The following DUSP22 variants were observed in gnomAD, a reference collection of about 807,000 sequenced individuals.
The protein encoded by DUSP22 is dual specificity protein phosphatase 22.
In DUSP22, 24 loss-of-function variants were observed where a neutral mutation model predicts 24.5. The observed-to-expected ratio is 0.98, with a 90% CI of 0.71 to 1.38. The LOEUF (loss-of-function observed/expected upper bound fraction) is 1.38. DUSP22 is among the 40% of genes most tolerant of loss of function. The pLI is 0.00. For synonymous variants in DUSP22, 160 were observed against 106.4 expected (o/e 1.50, Z -3.10); for missense variants, 330 against 269.2 (o/e 1.23, Z -1.58).
chr6:324,974 G>A (rs553609063), intron 3 of DUSP22, among the ~76,000 whole-genome samples: 39 of 152,414 alleles, frequency 2.6e-4, no homozygotes, highest in African/African-American at 8.2e-4. Context: ...GCAGGCTGCC[G>A]CATCCTGCCG....
chr6:348,140 G>T lies in DUSP22; in HGVS notation c.301G>T (p.Ala101Ser), dbSNP rs768192099. The change falls in exon 6 of 7, where the codon GCA becomes TCA. Residue 101 changes from alanine (A) to serine (S), a missense_variant. Transcript: ENST00000419235. ...CTCCAGGAGCGTGACACTGGTGATC[G>T]CATACATCATGACCGTCACTGACTT... is the stretch of plus-strand genomic sequence containing the variant. Reference protein sequence around the residue: ...GVSRSVTLVIAYIMTVTDFGW... With the variant: ...GVSRSVTLVISYIMTVTDFGW... 6.2e-7 allele frequency: 1 copy of T among 1,614,302 alleles called. No homozygotes were observed. Among genetic ancestry groups the T allele is most frequent in the South Asian group, 1.1e-5 (1 of 91,092 alleles).
In DUSP22 at chr6:325,222, G is replaced by A. The variant is rs185823975; in HGVS notation, c.139-9892G>A. 1,135 of 251,496 alleles carry A rather than the reference G, an allele frequency of 4.5e-3. 1 individual carries two copies. The highest frequency in any genetic ancestry group is 5.8e-3 in the Non-Finnish European group (767 of 131,550). 15.6% of individuals were successfully genotyped at this position (251,496 alleles called of 1,614,324 possible). ...ATCTGCCCTGGGCTTCCGCGTCCTGGTGTGTGCAGTGCTATATCTGCTGGT... is the reference window on the plus strand; with the variant it reads ...ATCTGCCCTGGGCTTCCGCGTCCTGATGTGTGCAGTGCTATATCTGCTGGT... On this transcript the variant is annotated intron_variant, in intron 3 of 6. Coordinates refer to ENST00000419235, the MANE Select transcript of DUSP22 (RefSeq NM_001286555.3).
intron 3 of DUSP22, among the ~76,000 whole-genome samples, chr6:317,968 T>G (rs59958279): frequency 2.7e-3 from 405 of 152,282 alleles, no homozygotes; most frequent in African/African-American, 9.0e-3. Flanking sequence ...AAGAGTGATT[T>G]CTTTATCATG....
At chr6:301,902 TATGCCCTC>T in intron 1 of DUSP22, among the ~76,000 whole-genome samples, 1 of 152,426 alleles carries the variant, frequency 6.6e-6, no homozygotes. Context: ...GGTCTACTCT[TATGCCCTC>T]ATTTAATTTT....
intron 4 of DUSP22, among the ~76,000 whole-genome samples, chr6:338,338 C>T (rs575629910): frequency 3.2e-4 from 49 of 152,380 alleles, no homozygotes; most frequent in African/African-American, 1.2e-3. Context: ...TTACCTGTTA[C>T]AAGTGTTCTA....
chr6:349,030 G>A lies in DUSP22; in HGVS notation c.*79G>A, dbSNP rs1469782630. ...GGGCAGGGGTGCGGTGGTGGTGGCC[G>A]ATGAGGACAGGAAAGGGAGATAGCC... is the stretch of plus-strand genomic sequence containing the variant. On this transcript the variant is annotated 3_prime_UTR_variant, in exon 7 of 7. Coordinates refer to ENST00000419235, the MANE Select transcript of DUSP22 (RefSeq NM_001286555.3). The A allele has an allele frequency of 1.3e-5, 20 of 1,527,322 alleles. No homozygotes were observed. Among genetic ancestry groups the A allele is most frequent in the African/African-American group, 9.6e-5 (7 of 72,722 alleles). The allele number at this position is 1,527,322 out of a possible 1,614,324, so 94.6% of individuals were successfully genotyped here. A position where few individuals can be genotyped will look rare whatever the true frequency, so the allele number is the denominator to read the frequency against.
intron 4 of DUSP22, among the ~76,000 whole-genome samples, chr6:338,555 C>G (rs1324995165): frequency 1.3e-5 from 2 of 152,422 alleles, no homozygotes; most frequent in East Asian, 3.8e-4. Flanking sequence ...TCGTATTTCT[C>G]TAGTTAACAA....
In DUSP22 at chr6:348,216, A is replaced by T. The variant is rs375745010; in HGVS notation, c.377A>T (p.Asn126Ile). 2 of 1,614,280 alleles carry T rather than the reference A, an allele frequency of 1.2e-6. No homozygotes were observed. The highest frequency in any genetic ancestry group is 1.7e-5 in the Admixed American group (1 of 60,028). ...HTVRAGRSCANPNVGFQRQLQ... is the reference protein window; with the variant it reads ...HTVRAGRSCAIPNVGFQRQLQ... ...GTGCGTGCTGGGAGATCCTGTGCCA[A>T]CCCCAACGTGGGCTTCCAGAGACAG... The change falls in exon 6 of 7, where the codon AAC becomes ATC. Residue 126 changes from asparagine (N) to isoleucine (I), a missense_variant. Coordinates refer to ENST00000419235, the MANE Select transcript of DUSP22 (RefSeq NM_001286555.3).
chr6:317,964 G>A (rs1231402909), intron 3 of DUSP22, among the ~76,000 whole-genome samples: 1 of 152,300 alleles, frequency 6.6e-6, no homozygotes, highest in Non-Finnish European at 1.5e-5. Flanking sequence ...GGTCAAGAGT[G>A]ATTTCTTTAT....
intron 3 of DUSP22, among the ~76,000 whole-genome samples, chr6:318,004 G>A (rs1436826107): frequency 6.6e-6 from 1 of 152,308 alleles, no homozygotes; most frequent in Non-Finnish European, 1.5e-5. Context: ...CAGAGGATCG[G>A]TTAGTGCAAT....
At chr6:335,855 G>T (rs1210009340) in intron 4 of DUSP22, among the ~76,000 whole-genome samples, 1 of 152,304 alleles carries the variant, frequency 6.6e-6, no homozygotes, top group African/African-American at 2.4e-5. Flanking sequence ...GGAATGAATA[G>T]GTCGTTGTGG....
intron 3 of DUSP22, among the ~76,000 whole-genome samples, chr6:329,631 T>G (rs1303607417): frequency 6.6e-6 from 1 of 152,310 alleles, no homozygotes; most frequent in African/African-American, 2.4e-5. Context: ...TTTTGTATTT[T>G]TTAGTAGAGA....
chr6:334,609 A>G (rs1182477657), intron 3 of DUSP22, among the ~76,000 whole-genome samples: 1 of 152,308 alleles, frequency 6.6e-6, no homozygotes, highest in Non-Finnish European at 1.5e-5. Context: ...TCCCCAGGGT[A>G]AAGCTCGTAT....
intron 1 of DUSP22, among the ~76,000 whole-genome samples, chr6:303,930 C>T (rs927057308): frequency 2.0e-5 from 3 of 152,304 alleles, no homozygotes; most frequent in Non-Finnish European, 2.9e-5. Context: ...GGTTTGAGAA[C>T]CACTGCCTTA....
At chr6:292,741 C>T (rs1469817666) in intron 1 of DUSP22, among the ~76,000 whole-genome samples, 181 bp downstream of exon 1, 1 of 152,244 alleles carries the variant, frequency 6.6e-6, no homozygotes, top group African/African-American at 2.4e-5. Flanking sequence ...GGTGTTCCCG[C>T]CCCCACCCCA....
intron 1 of DUSP22, among the ~76,000 whole-genome samples, chr6:303,302 C>T (rs1040668737): frequency 1.3e-5 from 2 of 152,296 alleles, no homozygotes; most frequent in Non-Finnish European, 2.9e-5. Flanking sequence ...ATTAGCAAAG[C>T]CTCTTTTCAT....
Position 348,991 on chromosome 6 carries a change from C to T in DUSP22, c.*40C>T. On this transcript the variant is annotated 3_prime_UTR_variant, in exon 7 of 7. Transcript: ENST00000419235. ...TGCCTTCCTTCCCACTGCTTGTCTT[C>T]AGTGTGCCCGGCTGGGCAGGGGTGC... 6.4e-7 allele frequency: 1 copy of T among 1,553,236 alleles called. No individual in the cohort carries two copies.
chr6:321,576 G>A (rs1201507015), intron 3 of DUSP22, among the ~76,000 whole-genome samples: 1 of 152,294 alleles, frequency 6.6e-6, no homozygotes, highest in Admixed American at 6.5e-5. Context: ...CTTCCATAAA[G>A]TGACATAACA....
chr6:295,654 C>T (rs28649710), intron 1 of DUSP22, among the ~76,000 whole-genome samples: 21,172 of 147,134 alleles, frequency 0.14, no homozygotes, highest in South Asian at 0.37. Context: ...AGCAATCAGC[C>T]GAGTGTGTGG....
Sources: gnomAD v4.1 joint callset for allele counts (sites outside exome capture counted in the v4.1 genomes callset) on GRCh38, gnomAD v4.1.1 for gene constraint, MANE v1.5 for transcripts, NCBI Gene and HGNC (gene_info 2026-07-23, HGNC 2026-07-21) for gene names.